FAF1: variants seen among roughly 807,000 people sequenced by gnomAD.
The protein encoded by FAF1 is FAS-associated factor 1.
A neutral mutation model predicts 92.5 loss-of-function variants in FAF1; 25 were observed. That is an observed-to-expected ratio of 0.27 (90% CI 0.20 to 0.38). The LOEUF is 0.38. FAF1 is among the 10% of genes least tolerant of loss of function. The pLI is 1.00. For missense variants in FAF1, 636 were observed against 793.3 expected, an observed-to-expected ratio of 0.80 and a Z score of 2.38; for synonymous variants, 234 against 273.2, an observed-to-expected ratio of 0.86 and a Z score of 1.42.
intron 6 of FAF1, chr1:50,714,907 G>A: frequency 3.0e-6 from 1 of 335,018 alleles, no homozygotes; most frequent in Non-Finnish European, 5.9e-6. Context: ...AGTGTCCTGA[G>A]TCCAGACAAA....
At chr1:50,792,561 C>T (rs139534127) in intron 3 of FAF1, among the ~76,000 whole-genome samples, 23 of 152,292 alleles carry the variant, frequency 1.5e-4, no homozygotes, top group African/African-American at 4.6e-4. Flanking sequence ...GATGCCTGAA[C>T]CTTCCTAGCA....
chr1:50,522,794 A>G (rs1647573650), intron 15 of FAF1, among the ~76,000 whole-genome samples: 1 of 152,236 alleles, frequency 6.6e-6, no homozygotes, highest in African/African-American at 2.4e-5. Flanking sequence ...TAGTATTTTA[A>G]GTATACAATT....
intron 8 of FAF1, among the ~76,000 whole-genome samples, chr1:50,637,553 G>GA (rs942064849): frequency 6.6e-6 from 1 of 151,714 alleles, no homozygotes; most frequent in African/African-American, 2.4e-5. Flanking sequence ...CAATTTCTAT[G>GA]AAAAATGCTA....
chr1:50,809,380 A>G (rs1486521873), intron 2 of FAF1, among the ~76,000 whole-genome samples: 2 of 151,866 alleles, frequency 1.3e-5, no homozygotes, highest in Non-Finnish European at 2.9e-5. Flanking sequence ...ACTAATGAAG[A>G]AAAAAAAGAT....
At chr1:50,564,089 A>T (rs1650058517) in intron 13 of FAF1, among the ~76,000 whole-genome samples, 1 of 152,176 alleles carries the variant, frequency 6.6e-6, no homozygotes, top group Non-Finnish European at 1.5e-5. Context: ...TCCTACATAC[A>T]TGAGAGATCC....
intron 2 of FAF1, among the ~76,000 whole-genome samples, chr1:50,842,660 G>A (rs1383044078): frequency 6.6e-6 from 1 of 151,940 alleles, no homozygotes; most frequent in African/African-American, 2.4e-5. Flanking sequence ...CAGGGCCTTT[G>A]TGTTTGCTTT....
chr1:50,729,034 C>CTATCTATA (rs774816134), intron 6 of FAF1, among the ~76,000 whole-genome samples: 115 of 88,050 alleles, frequency 1.3e-3, no homozygotes, highest in Non-Finnish European at 1.6e-3. Context: ...ATCTATCTAT[C>CTATCTATA]TATATATATA....
intron 2 of FAF1, among the ~76,000 whole-genome samples, chr1:50,808,438 GC>G (rs1662293511): frequency 6.6e-6 from 1 of 152,048 alleles, no homozygotes; most frequent in Non-Finnish European, 1.5e-5. Context: ...ATGGGTTAAT[GC>G]CCTAATTAAA....
chr1:50,893,188 G>A (rs115854801), intron 1 of FAF1, among the ~76,000 whole-genome samples: 1,984 of 152,294 alleles, frequency 0.013, 44 homozygotes, highest in African/African-American at 0.044. Context: ...GGTCCCTGGT[G>A]CCTCATTTAA....
At chr1:50,910,668 C>A (rs1644877253) in intron 1 of FAF1, among the ~76,000 whole-genome samples, 1 of 151,708 alleles carries the variant, frequency 6.6e-6, no homozygotes, top group East Asian at 1.9e-4. Flanking sequence ...GCTCCGTGGC[C>A]GTGGGACCCT....
chr1:50,949,671 G>A (rs1023065293), intron 1 of FAF1, among the ~76,000 whole-genome samples: 2 of 152,182 alleles, frequency 1.3e-5, no homozygotes, highest in Non-Finnish European at 2.9e-5. Flanking sequence ...ATTCCAGTAA[G>A]ACTTTATTTA....
At chr1:50,547,231 G>C (rs368159868) in intron 13 of FAF1, among the ~76,000 whole-genome samples, 1 of 151,752 alleles carries the variant, frequency 6.6e-6, no homozygotes, top group Non-Finnish European at 1.5e-5. Flanking sequence ...AATGCCTCAC[G>C]ATGCAAATGC....
intron 17 of FAF1, among the ~76,000 whole-genome samples, chr1:50,482,133 G>C (rs946106304): frequency 6.6e-6 from 1 of 152,066 alleles, no homozygotes; most frequent in African/African-American, 2.4e-5. Context: ...CTCTCTCCCC[G>C]TTCAAATTTC....
At chr1:50,541,994 C>T (rs1482753303) in intron 13 of FAF1, among the ~76,000 whole-genome samples, 1 of 152,088 alleles carries the variant, frequency 6.6e-6, no homozygotes, top group East Asian at 1.9e-4. Context: ...GATCGCAAAG[C>T]ACACAGCCAT....
intron 4 of FAF1, among the ~76,000 whole-genome samples, chr1:50,785,274 A>G (rs534299387): frequency 6.6e-6 from 1 of 152,214 alleles, no homozygotes; most frequent in South Asian, 2.1e-4. Context: ...AAGAAAAAAT[A>G]GACAAGTGGG....
chr1:50,786,866 A>G (rs1661383899), intron 4 of FAF1, among the ~76,000 whole-genome samples: 12 of 152,212 alleles, frequency 7.9e-5, no homozygotes, highest in Admixed American at 7.9e-4. Context: ...AAATCAATGG[A>G]AAGCTTTTGA....
At chr1:50,737,538 T>C (rs1401092111) in intron 6 of FAF1, among the ~76,000 whole-genome samples, 1 of 152,214 alleles carries the variant, frequency 6.6e-6, no homozygotes, top group Non-Finnish European at 1.5e-5. Flanking sequence ...ATCAACATTA[T>C]TATAAACACA....
At position 50,828,430 on chromosome 1, in the gene FAF1, G is replaced by A. The variant is rs545877857; in HGVS notation, c.115-26753C>T. On this transcript the variant is annotated intron_variant, in intron 2 of 18. Transcript: ENST00000396153. ...ACTACAGGCGCCCGCCACCACGTCC[G>A]GCTAATTTTTTGTATTTTTTAGTAG... Among the ~76,000 whole-genome samples, 373 of 152,016 alleles carry A rather than the reference G, an allele frequency of 2.5e-3. 1 individual carries two copies. The highest frequency in any genetic ancestry group is 4.2e-3 in the Non-Finnish European group (288 of 67,988).
At chr1:50,758,594 C>A (rs144951685) in intron 4 of FAF1, among the ~76,000 whole-genome samples, 2 of 152,288 alleles carry the variant, frequency 1.3e-5, no homozygotes, top group East Asian at 3.9e-4. Flanking sequence ...CAAATATTTA[C>A]AATTTCTAGT....
Sources: allele counts gnomAD v4.1 joint callset (sites outside exome capture counted in the v4.1 genomes callset), GRCh38; gene constraint gnomAD v4.1.1; transcripts MANE v1.5; gene names NCBI Gene and HGNC (gene_info 2026-07-23, HGNC 2026-07-21).